AP3B2: variants seen among roughly 807,000 people sequenced by gnomAD.
The protein encoded by AP3B2 is AP-3 complex subunit beta-2.
In AP3B2, 50 loss-of-function variants were observed where a neutral mutation model predicts 126.9. The observed-to-expected ratio is 0.39, with a 90% CI of 0.31 to 0.50. The LOEUF is 0.50. Ranked by LOEUF, AP3B2 falls within the 20% of genes least tolerant of loss-of-function variation. The pLI is 0.79. For missense variants in AP3B2, 1,177 were observed against 1,426.4 expected, an observed-to-expected ratio of 0.83 and a Z score of 2.82; for synonymous variants, 541 against 565.0, an observed-to-expected ratio of 0.96 and a Z score of 0.60.
intron 1 of AP3B2, among the ~76,000 whole-genome samples, chr15:82,705,761 T>A (rs2048786692): frequency 6.6e-6 from 1 of 152,164 alleles, no homozygotes; most frequent in South Asian, 2.1e-4. Context: ...CCCAATCCCT[T>A]CTACAAAGCA....
intron 1 of AP3B2, among the ~76,000 whole-genome samples, chr15:82,701,847 C>A (rs2048723893): frequency 6.6e-6 from 1 of 152,182 alleles, no homozygotes; most frequent in South Asian, 2.1e-4. Flanking sequence ...ATTTATCTCC[C>A]AGGGCAGGAG....
rs1320010117 is a variant in AP3B2, at chr15:82,662,220, C to T, written c.2866G>A (p.Val956Ile). The change falls in exon 24 of 27, where the codon GTA (valine) becomes ATA (isoleucine). Residue 956 changes from valine to isoleucine, a missense_variant. Coordinates refer to ENST00000535359, the MANE Select transcript of AP3B2 (RefSeq NM_001278512.2). Reference sequence around the variant, plus strand: ...GAGTCACAGAAATTAATGCCCATTACAGCAGTGGCAGATTCTCCAGGTGCC... The same window carrying T: ...GAGTCACAGAAATTAATGCCCATTATAGCAGTGGCAGATTCTCCAGGTGCC... Reference protein sequence around the residue: ...SLAPGESATAVMGINFCDSTQ... With the variant: ...SLAPGESATAIMGINFCDSTQ... 1.2e-6 allele frequency: 2 copies of T among 1,602,104 alleles called. No homozygotes were observed. The highest frequency in any genetic ancestry group is 2.7e-5 in the African/African-American group (2 of 74,762).
intron 11 of AP3B2, 127 bp downstream of exon 11, chr15:82,677,978 A>T: frequency 1.5e-6 from 2 of 1,377,862 alleles, no homozygotes; most frequent in Non-Finnish European, 2.0e-6. Flanking sequence ...AGCCAAACAC[A>T]TTGGAACGGG....
chr15:82,691,980 C>G, intron 1 of AP3B2: 5 of 1,444,680 alleles, frequency 3.5e-6, no homozygotes, highest in Non-Finnish European at 4.8e-6. Context: ...GCATAACAGA[C>G]ATCCCCAACT....
At chr15:82,689,833 C>G in intron 1 of AP3B2, 1 of 204,704 alleles carries the variant, frequency 4.9e-6, no homozygotes, top group South Asian at 9.6e-5. Flanking sequence ...CTGGGTGTGG[C>G]GGCTCACGCC....
intron 14 of AP3B2, among the ~76,000 whole-genome samples, chr15:82,673,769 A>G (rs2048196423): frequency 6.6e-6 from 1 of 152,200 alleles, no homozygotes; most frequent in East Asian, 1.9e-4. Context: ...ATAAGCATGT[A>G]TTACCTTTAG....
At position 82,681,783 on chromosome 15, in the gene AP3B2, C is replaced by G. The variant is rs541900116; in HGVS notation, c.361-203G>C. 7.9e-5 allele frequency among the ~76,000 whole-genome samples: 12 copies of G among 152,292 alleles called. No homozygotes were observed. In the South Asian group the frequency reaches 2.5e-3, roughly 32 times the overall value. ...TGGTTGCAGAAATCTGACACCTGAACAGGTGTTGCAATGGGTAGCTTCACT... is the reference window on the plus strand; with the variant it reads ...TGGTTGCAGAAATCTGACACCTGAAGAGGTGTTGCAATGGGTAGCTTCACT... On this transcript the variant is annotated intron_variant, in intron 4 of 26. Transcript: ENST00000535359. The surrounding 1 kb of genome is among the most constrained non-coding windows in gnomAD (Gnocchi z 4.0).
Position 82,659,414 on chromosome 15 carries a change from G to T in AP3B2, c.*146C>A. 2 of 1,030,136 alleles carry T rather than the reference G, an allele frequency of 1.9e-6. No homozygotes were observed. The highest frequency in any genetic ancestry group is 2.8e-6 in the Non-Finnish European group (2 of 705,368). The allele number at this position is 1,030,136 out of a possible 1,614,324, so 63.8% of individuals were successfully genotyped here. A position where few individuals can be genotyped will look rare whatever the true frequency, so the allele number is the denominator to read the frequency against. ...TGGGGAGGGCATTAGGGGAGGGCTT[G>T]GTCCTCCAGAGGGAGAGAGGACACC... is the stretch of plus-strand genomic sequence containing the variant. On this transcript the variant is annotated 3_prime_UTR_variant, in exon 27 of 27. Transcript: ENST00000535359.
At chr15:82,669,576 G>A (rs2048114206) in intron 14 of AP3B2, among the ~76,000 whole-genome samples, 2 of 151,864 alleles carry the variant, frequency 1.3e-5, no homozygotes, top group Middle Eastern at 6.8e-3. Context: ...CCTGTAGTCC[G>A]AGCTACTCAG....
At position 82,664,330 on chromosome 15, in the gene AP3B2, T is replaced by C; in HGVS notation, c.2261+37A>G. ...TAGCCCTCTTTCCAGGAAAGCCCCC[T>C]GAACCCCACCAGCCATCTGGCTAGC... On this transcript the variant is annotated intron_variant, in intron 19 of 26. Transcript: ENST00000535359. The surrounding 1 kb of genome is among the most constrained non-coding windows in gnomAD (Gnocchi z 4.5). 2.5e-6 allele frequency: 4 copies of C among 1,613,014 alleles called. No homozygotes were observed. Among genetic ancestry groups the C allele is most frequent in the Non-Finnish European group, 3.4e-6 (4 of 1,179,708 alleles).
At position 82,680,411 on chromosome 15, in the gene AP3B2, G is replaced by T; in HGVS notation, c.1055+61C>A. 1 of 1,446,314 alleles carries T rather than the reference G, an allele frequency of 6.9e-7. No homozygotes were observed. The highest frequency in any genetic ancestry group is 9.1e-7 in the Non-Finnish European group (1 of 1,099,452). The allele number at this position is 1,446,314 out of a possible 1,614,324, so 89.6% of individuals were successfully genotyped here. ...CTGGTGGGCGTGAGGGGGCGGAGCC[G>T]GGCAGCCCGTGGGGCGGGGCAGGAG... is the stretch of plus-strand genomic sequence containing the variant. On this transcript the variant is annotated intron_variant, in intron 8 of 26. Transcript: ENST00000535359. This position sits in a 1 kb window ranked among gnomAD's most constrained non-coding sequence, Gnocchi z 6.1.
chr15:82,682,559 A>G (rs1357726982), intron 4 of AP3B2, among the ~76,000 whole-genome samples: 1 of 151,966 alleles, frequency 6.6e-6, no homozygotes, highest in African/African-American at 2.4e-5. Flanking sequence ...AGTCACATAA[A>G]TTTTTTGTTT....
intron 23 of AP3B2, 67 bp from the exon 24 acceptor site, chr15:82,662,319 G>A: frequency 8.1e-7 from 1 of 1,234,232 alleles, no homozygotes; most frequent in Admixed American, 2.0e-5. Flanking sequence ...CTAGAACCCA[G>A]CCTAGCCCTA....
chr15:82,690,745 C>T (rs1338771392), intron 1 of AP3B2, among the ~76,000 whole-genome samples: 2 of 148,474 alleles, frequency 1.3e-5, no homozygotes, highest in African/African-American at 5.0e-5. Flanking sequence ...GCTCCACCTC[C>T]TGGGTTCATG....
At chr15:82,702,126 T>C (rs904261053) in intron 1 of AP3B2, among the ~76,000 whole-genome samples, 5 of 152,326 alleles carry the variant, frequency 3.3e-5, no homozygotes, top group Admixed American at 1.3e-4. Flanking sequence ...CCCTGAGTTA[T>C]CTTCACTTCT....
Position 82,709,767 on chromosome 15 carries a change from G to T in AP3B2, c.-61C>A. On this transcript the variant is annotated 5_prime_UTR_variant, in exon 1 of 27. Transcript: ENST00000535359. ...GCGGGGCCGGAGGCCGGCTGGAGCG[G>T]AGGAAGGGAAGGCGGGCCGGTCCGG... The T allele has an allele frequency of 7.4e-7, 1 of 1,359,184 alleles. No individual in the cohort carries two copies. Among genetic ancestry groups the T allele is most frequent in the Non-Finnish European group, 9.7e-7 (1 of 1,033,484 alleles). 84.2% of individuals were successfully genotyped at this position (1,359,184 alleles called of 1,614,324 possible).
rs202049467 is a variant in AP3B2 at position 82,665,593 on chromosome 15, G to A, written c.1853-18C>T. On this transcript the variant is annotated intron_variant, in intron 15 of 26. Transcript: ENST00000535359. The surrounding 1 kb of genome is among the most constrained non-coding windows in gnomAD (Gnocchi z 4.4). Reference sequence around the variant, plus strand: ...GTCCCGGTCTAGGGATAGGTTTAGAGGTCAGGCAGGTAGCAGCAGTGAGGG... The same window carrying A: ...GTCCCGGTCTAGGGATAGGTTTAGAAGTCAGGCAGGTAGCAGCAGTGAGGG... The A allele has an allele frequency of 3.6e-4, 574 of 1,583,680 alleles. 8 individuals carry two copies. The South Asian group carries it at 6.0e-3, about 16-fold the overall frequency.
intron 14 of AP3B2, among the ~76,000 whole-genome samples, chr15:82,671,138 C>T (rs879570406): frequency 7.9e-5 from 12 of 152,048 alleles, no homozygotes; most frequent in South Asian, 2.1e-4. Context: ...CAGAAATTAA[C>T]GGGGCGTGGT....
intron 14 of AP3B2, among the ~76,000 whole-genome samples, chr15:82,674,536 A>G (rs2048212336): frequency 6.6e-6 from 1 of 151,962 alleles, no homozygotes; most frequent in Non-Finnish European, 1.5e-5. Context: ...CGCTGTGCCA[A>G]CCCTGATGAC....
Sources: allele counts gnomAD v4.1 joint callset (sites outside exome capture counted in the v4.1 genomes callset), GRCh38; gene constraint gnomAD v4.1.1; non-coding constraint Gnocchi (gnomAD v3.1); transcripts MANE v1.5; gene names NCBI Gene and HGNC (gene_info 2026-07-23, HGNC 2026-07-21).